DGKI: variants seen among roughly 807,000 people sequenced by gnomAD.
DGKI encodes diacylglycerol kinase iota.
Under a neutral mutation model 147.5 loss-of-function variants are expected in DGKI, and 55 were observed. The observed-to-expected ratio is 0.37, with a 90% CI of 0.30 to 0.47. The LOEUF is 0.47. DGKI is among the 20% of genes least tolerant of loss of function. The pLI is 1.00. For synonymous variants in DGKI, 469 were observed against 477.1 expected, an observed-to-expected ratio of 0.98 and a Z score of 0.22; for missense variants, 1,007 against 1,323.8, an observed-to-expected ratio of 0.76 and a Z score of 3.71.
intron 1 of DGKI, among the ~76,000 whole-genome samples, chr7:137,806,633 C>A (rs1331712576): frequency 1.3e-5 from 2 of 152,188 alleles, no homozygotes; most frequent in Admixed American, 6.5e-5. Context: ...TGGGGTTTCA[C>A]CGTGTTAGCC....
intron 19 of DGKI, among the ~76,000 whole-genome samples, chr7:137,564,308 C>T (rs2128972678): frequency 6.6e-6 from 1 of 152,234 alleles, no homozygotes; most frequent in African/African-American, 2.4e-5. Flanking sequence ...GCCTCCCAAT[C>T]TTTCTGGGAG....
intron 1 of DGKI, among the ~76,000 whole-genome samples, chr7:137,754,914 T>A (rs1343060463): frequency 6.6e-6 from 1 of 152,184 alleles, no homozygotes; most frequent in Non-Finnish European, 1.5e-5. Flanking sequence ...GATGGAACTT[T>A]CAGGGTTGTT....
chr7:137,737,034 G>A (rs970738538), intron 1 of DGKI, among the ~76,000 whole-genome samples: 2 of 151,852 alleles, frequency 1.3e-5, no homozygotes, highest in African/African-American at 4.8e-5. Context: ...GGTGGGTTCC[G>A]AAAAATTGGA....
At chr7:137,619,592 T>C (rs1820669432) in intron 8 of DGKI, among the ~76,000 whole-genome samples, 1 of 152,146 alleles carries the variant, frequency 6.6e-6, no homozygotes, top group South Asian at 2.1e-4. Context: ...GGAGGCAACA[T>C]TCCTGCTCTA....
chr7:137,833,165 G>A (rs56384206), intron 1 of DGKI, among the ~76,000 whole-genome samples: 9 of 152,206 alleles, frequency 5.9e-5, no homozygotes, highest in South Asian at 4.2e-4. Context: ...TTCCAAAGTC[G>A]CTTCCACATT....
intron 12 of DGKI, among the ~76,000 whole-genome samples, chr7:137,592,601 G>GAAC (rs1819655116): frequency 6.6e-6 from 1 of 152,196 alleles, no homozygotes; most frequent in Non-Finnish European, 1.5e-5. Flanking sequence ...TCTTCCAAGA[G>GAAC]AACAGATGCA....
intron 6 of DGKI, among the ~76,000 whole-genome samples, chr7:137,640,385 C>T (rs764001357): frequency 6.6e-6 from 1 of 152,118 alleles, no homozygotes; most frequent in African/African-American, 2.4e-5. Flanking sequence ...GTCATGTGGG[C>T]AGGGGCTTTA....
intron 1 of DGKI, among the ~76,000 whole-genome samples, chr7:137,742,023 T>G (rs563171781): frequency 6.6e-6 from 1 of 152,338 alleles, no homozygotes; most frequent in South Asian, 2.1e-4. Context: ...ACGTCCTTAG[T>G]GCCTGACTCC....
intron 1 of DGKI, among the ~76,000 whole-genome samples, chr7:137,772,365 G>A (rs1175992759): frequency 6.6e-6 from 1 of 152,160 alleles, no homozygotes; most frequent in Non-Finnish European, 1.5e-5. Flanking sequence ...TCACATGTGA[G>A]AGCTATTCGT....
intron 13 of DGKI, 50 bp downstream of exon 13, chr7:137,587,047 A>C: frequency 2.1e-5 from 27 of 1,265,346 alleles, no homozygotes; most frequent in Non-Finnish European, 2.6e-5. Flanking sequence ...TGGATCTGGA[A>C]TCCGGTTTGT....
intron 1 of DGKI, among the ~76,000 whole-genome samples, chr7:137,831,579 C>T (rs1798220879): frequency 6.6e-6 from 1 of 152,196 alleles, no homozygotes; most frequent in Non-Finnish European, 1.5e-5. Context: ...CAATTACCTC[C>T]CATCGGGCTC....
chr7:137,838,440 C>T (rs909947975), intron 1 of DGKI, among the ~76,000 whole-genome samples: 6 of 152,244 alleles, frequency 3.9e-5, no homozygotes, highest in Middle Eastern at 3.4e-3. Context: ...CCTTTCCGAC[C>T]GCTTCCACAT....
chr7:137,521,944 G>A lies in DGKI; in HGVS notation c.2170C>T (p.Leu724=). The A allele has an allele frequency of 6.2e-7, 1 of 1,611,552 alleles. No individual in the cohort carries two copies. The highest frequency in any genetic ancestry group is 8.5e-7 in the Non-Finnish European group (1 of 1,178,530). Residue 724 remains leucine, a synonymous_variant, in exon 21 of 33, where the codon CTG becomes TTG. Coordinates refer to ENST00000614521, the MANE Select transcript of DGKI (RefSeq NM_001321708.2). ...CTGATTTTGTTCACCCGGATCCTCAGACGATCTGGGACAGACTGGGGACTG... is the reference window on the plus strand; with the variant it reads ...CTGATTTTGTTCACCCGGATCCTCAAACGATCTGGGACAGACTGGGGACTG... The part of the protein sequence containing the change: ...LNDPQSVPDR[L]RIRVNKISLQ...
chr7:137,662,964 A>G (rs2116302722), intron 3 of DGKI, among the ~76,000 whole-genome samples: 1 of 152,326 alleles, frequency 6.6e-6, no homozygotes, highest in Middle Eastern at 3.4e-3. Flanking sequence ...CTTACAAAGG[A>G]TACACCAAAA....
At chr7:137,622,405 C>T (rs1478634944) in intron 7 of DGKI, among the ~76,000 whole-genome samples, 1 of 151,996 alleles carries the variant, frequency 6.6e-6, no homozygotes, top group Non-Finnish European at 1.5e-5. Context: ...TTTGCAGGTC[C>T]CCTGTGCAAT....
chr7:137,518,615 C>T (rs1393428752), intron 21 of DGKI, among the ~76,000 whole-genome samples: 1 of 152,032 alleles, frequency 6.6e-6, no homozygotes, highest in Non-Finnish European at 1.5e-5. Context: ...AAGCTGGTTT[C>T]TACTGCTTGT....
intron 5 of DGKI, 34 bp downstream of exon 5, chr7:137,654,698 G>T: frequency 1.8e-5 from 26 of 1,418,410 alleles, no homozygotes; most frequent in Non-Finnish European, 2.6e-5. Context: ...AGAAATCAAA[G>T]GTGATACTTG....
chr7:137,615,009 A>G (rs1820481972), intron 8 of DGKI, among the ~76,000 whole-genome samples: 1 of 152,044 alleles, frequency 6.6e-6, no homozygotes, highest in Non-Finnish European at 1.5e-5. Flanking sequence ...CATATTTTCT[A>G]TTTAGCTTAC....
intron 19 of DGKI, among the ~76,000 whole-genome samples, chr7:137,567,961 T>C (rs1818648534): frequency 6.6e-6 from 1 of 152,160 alleles, no homozygotes; most frequent in African/African-American, 2.4e-5. Flanking sequence ...GTGGGACAAA[T>C]ATAAGATTGT....
Sources: gnomAD v4.1 joint callset for allele counts (sites outside exome capture counted in the v4.1 genomes callset) on GRCh38, gnomAD v4.1.1 for gene constraint, MANE v1.5 for transcripts, NCBI Gene and HGNC (gene_info 2026-07-23, HGNC 2026-07-21) for gene names.